Variants in NEBL observed in about 807,000 individuals in gnomAD.
NEBL encodes LIM and SH3 protein 2.
A neutral mutation model predicts 140.2 loss-of-function variants in NEBL; 122 were observed. That is an observed-to-expected ratio of 0.87 (90% CI 0.75 to 1.01). The LOEUF is 1.01. NEBL is among the 50% of genes least tolerant of loss of function. The pLI is 0.00. For missense variants in NEBL, 1,365 were observed against 1,231.3 expected (o/e 1.11, Z -1.62); for synonymous variants, 436 against 398.9 (o/e 1.09, Z -1.11).
intron 2 of NEBL, among the ~76,000 whole-genome samples, chr10:21,046,842 T>C (rs1834541438): frequency 1.3e-5 from 2 of 152,170 alleles, no homozygotes; most frequent in South Asian, 4.1e-4. Context: ...GACCTGGTGA[T>C]CCGCCTGCCT....
intron 3 of NEBL, among the ~76,000 whole-genome samples, chr10:21,201,326 G>A (rs1473909557): frequency 6.6e-6 from 1 of 152,206 alleles, no homozygotes; most frequent in African/African-American, 2.4e-5. Context: ...TTCTTACATG[G>A]TGGCCAGAAC....
At chr10:20,882,737 C>G (rs541494653) in intron 4 of NEBL, among the ~76,000 whole-genome samples, 183 of 148,442 alleles carry the variant, frequency 1.2e-3, no homozygotes, top group Non-Finnish European at 1.8e-3. Flanking sequence ...ATCTTGTCAT[C>G]CAAAAAAAAA....
At chr10:20,964,885 G>A (rs554495157) in intron 3 of NEBL, among the ~76,000 whole-genome samples, 8 of 152,270 alleles carry the variant, frequency 5.3e-5, no homozygotes, top group South Asian at 2.1e-4. Flanking sequence ...TGCCCGTTAC[G>A]TGAGCTAATC....
At chr10:20,956,800 G>T (rs1386536302) in intron 4 of NEBL, among the ~76,000 whole-genome samples, 1 of 151,816 alleles carries the variant, frequency 6.6e-6, no homozygotes, top group Non-Finnish European at 1.5e-5. Flanking sequence ...AATATAAAAA[G>T]AAAAAAATCT....
At chr10:20,826,360 G>C in intron 18 of NEBL, 87 bp downstream of exon 18, 1 of 1,002,762 alleles carries the variant, frequency 1.0e-6, no homozygotes, top group Non-Finnish European at 1.6e-6. Context: ...AAGGAAAAAA[G>C]CCATCAGTTG....
chr10:21,238,644 A>T (rs1807883593), intron 3 of NEBL, among the ~76,000 whole-genome samples: 1 of 141,834 alleles, frequency 7.1e-6, no homozygotes, highest in South Asian at 2.5e-4. Flanking sequence ...TGGGAGGCGG[A>T]GGTTGCAGTG....
intron 26 of NEBL, among the ~76,000 whole-genome samples, chr10:20,801,315 C>T (rs376458172): frequency 6.6e-6 from 1 of 151,898 alleles, no homozygotes; most frequent in African/African-American, 2.4e-5. Flanking sequence ...TGGGTTCAAG[C>T]GATTCTCATG....
At chr10:21,075,486 T>C (rs1211886634) in intron 2 of NEBL, among the ~76,000 whole-genome samples, 2 of 152,206 alleles carry the variant, frequency 1.3e-5, no homozygotes, top group African/African-American at 4.8e-5. Context: ...ATGCTACACC[T>C]GATAGCAATG....
At chr10:21,038,380 G>T (rs1337642254) in intron 2 of NEBL, among the ~76,000 whole-genome samples, 2 of 152,094 alleles carry the variant, frequency 1.3e-5, no homozygotes, top group Non-Finnish European at 2.9e-5. Context: ...GCCCCTGGCA[G>T]GCCTCGGTGT....
intron 3 of NEBL, among the ~76,000 whole-genome samples, chr10:21,212,112 T>C (rs1841926785): frequency 6.6e-6 from 1 of 151,686 alleles, no homozygotes; most frequent in African/African-American, 2.4e-5. Flanking sequence ...TATACTATGT[T>C]AGATACAGTA....
intron 2 of NEBL, among the ~76,000 whole-genome samples, chr10:21,026,284 C>G (rs546367288): frequency 4.4e-4 from 67 of 152,258 alleles, no homozygotes; most frequent in African/African-American, 1.6e-3. Flanking sequence ...CTACTGACAT[C>G]TCGTGGTCAG....
chr10:21,017,091 A>G (rs1333935131), intron 3 of NEBL, among the ~76,000 whole-genome samples: 1 of 152,230 alleles, frequency 6.6e-6, no homozygotes, highest in Non-Finnish European at 1.5e-5. Context: ...TCAGAGATCT[A>G]GGTCCCATTC....
chr10:21,123,942 A>G (rs1379439916), intron 2 of NEBL, among the ~76,000 whole-genome samples: 1 of 151,084 alleles, frequency 6.6e-6, no homozygotes, highest in African/African-American at 2.4e-5. Context: ...TGTACCAGTA[A>G]TTTCTCTGAG....
chr10:21,063,128 C>T (rs79416472), intron 2 of NEBL, among the ~76,000 whole-genome samples: 7,849 of 152,140 alleles, frequency 0.052, 660 homozygotes, highest in African/African-American at 0.18. Flanking sequence ...TGCTCCATTG[C>T]TCAGAGGACT....
chr10:20,995,491 T>C (rs561928133), intron 3 of NEBL, among the ~76,000 whole-genome samples: 1 of 152,144 alleles, frequency 6.6e-6, no homozygotes, highest in Admixed American at 6.6e-5. Flanking sequence ...GATCCTCCAG[T>C]TCAGTGTAAT....
chr10:21,261,320 T>C (rs1213059734), intron 1 of NEBL, among the ~76,000 whole-genome samples: 2 of 152,272 alleles, frequency 1.3e-5, no homozygotes, highest in East Asian at 3.9e-4. Flanking sequence ...TAATGGACGC[T>C]GAACCTCATG....
chr10:21,106,514 C>T (rs543703550), intron 2 of NEBL, among the ~76,000 whole-genome samples: 1 of 152,324 alleles, frequency 6.6e-6, no homozygotes, highest in African/African-American at 2.4e-5. Flanking sequence ...GGTGTTGTTT[C>T]TGAGGCCTCT....
At chr10:21,169,292 A>G (rs1840974882) in intron 2 of NEBL, among the ~76,000 whole-genome samples, 2 of 151,856 alleles carry the variant, frequency 1.3e-5, no homozygotes, top group East Asian at 3.9e-4. Context: ...TTAAGCATGT[A>G]TATACATTGA....
At chr10:20,833,008 T>TGATAACA (rs1456599405) in intron 14 of NEBL, among the ~76,000 whole-genome samples, 4 of 152,234 alleles carry the variant, frequency 2.6e-5, no homozygotes, top group African/African-American at 7.2e-5. Context: ...ACTGAGGCAC[T>TGATAACA]GATAACAGAC....
Sources: allele counts gnomAD v4.1 joint callset (sites outside exome capture counted in the v4.1 genomes callset), GRCh38; gene constraint gnomAD v4.1.1; transcripts MANE v1.5; gene names NCBI Gene and HGNC (gene_info 2026-07-23, HGNC 2026-07-21).